Variants in UNC80 observed in about 807,000 individuals in gnomAD.
The protein encoded by UNC80 is unc-80 subunit of NALCN channel complex.
In UNC80, 164 loss-of-function variants were observed where a neutral mutation model predicts 384.6. That is an observed-to-expected ratio of 0.43 (90% CI 0.38 to 0.49). The LOEUF (loss-of-function observed/expected upper bound fraction) is 0.49, where lower values mean the gene tolerates loss of function less well. Among genes scored for constraint, UNC80 ranks in the 20% least tolerant of loss-of-function variants. The pLI, the probability that UNC80 is intolerant of heterozygous loss-of-function variation, is 0.00. For missense variants in UNC80, 3,330 were observed against 4,143.0 expected (o/e 0.80, Z 5.39); for synonymous variants, 1,486 against 1,527.8 (o/e 0.97, Z 0.64).
chr2:209,949,775 GC>G (rs979912991), intron 47 of UNC80, among the ~76,000 whole-genome samples: 2 of 103,208 alleles, frequency 1.9e-5, no homozygotes, highest in South Asian at 3.2e-4. Flanking sequence ...ACTGCGCCCA[GC>G]CCCCCACCCC....
At chr2:209,855,515 A>G (rs1436733866) in intron 22 of UNC80, among the ~76,000 whole-genome samples, 1 of 152,168 alleles carries the variant, frequency 6.6e-6, no homozygotes, top group Non-Finnish European at 1.5e-5. Context: ...AAGTACATAG[A>G]ATTTAAAGAA....
At chr2:209,971,610 G>A (rs1274724145) in intron 54 of UNC80, among the ~76,000 whole-genome samples, 3 of 152,118 alleles carry the variant, frequency 2.0e-5, no homozygotes, top group Admixed American at 6.6e-5. Flanking sequence ...CCCATCCGTC[G>A]TTTGACAACC....
At chr2:209,933,099 A>G (rs926371063) in intron 38 of UNC80, among the ~76,000 whole-genome samples, 1 of 152,228 alleles carries the variant, frequency 6.6e-6, no homozygotes. Flanking sequence ...GAATAGGATA[A>G]TTGAAAGTTA....
intron 47 of UNC80, 50 bp from the exon 48 acceptor site, chr2:209,954,050 A>T: frequency 6.6e-7 from 1 of 1,513,742 alleles, no homozygotes; most frequent in Non-Finnish European, 8.8e-7. Context: ...GACACAACCA[A>T]CAAAAGTAGA....
At chr2:209,855,925 G>C (rs920041328) in intron 22 of UNC80, among the ~76,000 whole-genome samples, 8 of 151,602 alleles carry the variant, frequency 5.3e-5, no homozygotes, top group Non-Finnish European at 1.0e-4. Flanking sequence ...CAAAATTCTG[G>C]CTAATTTTAG....
At chr2:209,803,482 A>G (rs1296429637) in intron 7 of UNC80, among the ~76,000 whole-genome samples, 1 of 152,186 alleles carries the variant, frequency 6.6e-6, no homozygotes, top group African/African-American at 2.4e-5. Context: ...ACCTTTTTGG[A>G]TATCTATGTG....
In UNC80 at chr2:209,900,957, G is replaced by A. The variant is rs1011006114; in HGVS notation, c.4582-3808G>A. Among the ~76,000 whole-genome samples the A allele has an allele frequency of 1.4e-4, 22 of 152,308 alleles. 1 individual carries two copies. The highest frequency in any genetic ancestry group is 5.3e-4 in the African/African-American group (22 of 41,560). Reference sequence around the variant, plus strand: ...TGTGAGGGCTGAGAAAGGGGAAGAAGCTGTATAAGAAAAGTCTGAAGTTAG... The same window carrying A: ...TGTGAGGGCTGAGAAAGGGGAAGAAACTGTATAAGAAAAGTCTGAAGTTAG... On this transcript the variant is annotated intron_variant, in intron 28 of 64. Transcript: ENST00000673920.
chr2:209,772,246 C>T (rs1204366483), intron 1 of UNC80, 82 bp downstream of exon 1: 4 of 722,584 alleles, frequency 5.5e-6, no homozygotes, highest in Admixed American at 9.7e-5. Context: ...CTGCCGCCGC[C>T]GCCGCTGAGG....
At chr2:209,773,313 A>C (rs1039780851) in intron 2 of UNC80, among the ~76,000 whole-genome samples, 171 bp downstream of exon 2, 1 of 152,286 alleles carries the variant, frequency 6.6e-6, no homozygotes, top group Non-Finnish European at 1.5e-5. Context: ...AACAATGATA[A>C]AAACAAATAC....
At chr2:209,805,538 G>A (rs1277586574) in intron 7 of UNC80, among the ~76,000 whole-genome samples, 2 of 152,196 alleles carry the variant, frequency 1.3e-5, no homozygotes, top group South Asian at 2.1e-4. Context: ...GGCTTGACTG[G>A]TCTGAAGGCT....
At chr2:209,945,280 A>ACG in intron 46 of UNC80, 91 bp downstream of exon 46, 1 of 1,277,286 alleles carries the variant, frequency 7.8e-7, no homozygotes, top group African/African-American at 1.5e-5. Flanking sequence ...GTATATTTAT[A>ACG]TGTGTGTGTA....
intron 30 of UNC80, among the ~76,000 whole-genome samples, chr2:209,913,033 G>A (rs1275663377): frequency 6.6e-6 from 1 of 152,192 alleles, no homozygotes; most frequent in East Asian, 1.9e-4. Flanking sequence ...CCTTGGGCAA[G>A]TTATTTAATT....
At chr2:209,978,848 G>A (rs868533608) in intron 59 of UNC80, 140 bp downstream of exon 59, 10 of 796,048 alleles carry the variant, frequency 1.3e-5, no homozygotes, top group African/African-American at 3.5e-5. Context: ...GGGGAAATGT[G>A]ACTGATTCCA....
chr2:209,858,855 T>A (rs2083140501), intron 22 of UNC80, among the ~76,000 whole-genome samples: 1 of 152,138 alleles, frequency 6.6e-6, no homozygotes, highest in Non-Finnish European at 1.5e-5. Context: ...TTACACTTTT[T>A]ATTTTTTCAT....
intron 51 of UNC80, among the ~76,000 whole-genome samples, chr2:209,964,821 G>A (rs1201327613): frequency 6.6e-6 from 1 of 150,928 alleles, no homozygotes; most frequent in Non-Finnish European, 1.5e-5. Flanking sequence ...CAGAAGGGGG[G>A]AAATCGACAT....
chr2:209,975,539 G>A lies in UNC80; in HGVS notation c.8588-580G>A, dbSNP rs546006179. On this transcript the variant is annotated intron_variant, in intron 56 of 64. Coordinates refer to ENST00000673920, the MANE Select transcript of UNC80 (RefSeq NM_001371986.1). ...TTATTTTTGGAAAGATACCCTGCACGCATTTACTGGTTACCTCTGGGGAGC... is the reference window on the plus strand; with the variant it reads ...TTATTTTTGGAAAGATACCCTGCACACATTTACTGGTTACCTCTGGGGAGC... Among the ~76,000 whole-genome samples, 17 of 152,288 alleles carry A rather than the reference G, an allele frequency of 1.1e-4. No individual in the cohort carries two copies. The East Asian group carries it at 1.9e-3, about 17-fold the overall frequency.
At chr2:209,838,574 T>A (rs190054383) in intron 18 of UNC80, among the ~76,000 whole-genome samples, 10 of 152,214 alleles carry the variant, frequency 6.6e-5, no homozygotes, top group Admixed American at 2.6e-4. Context: ...AATATTTTTT[T>A]AAGAGTATTT....
In UNC80 at chr2:209,904,901, T is replaced by TG; in HGVS notation, c.4720dup (p.Asp1574GlyfsTer25). On this transcript the variant is annotated frameshift_variant, in exon 29 of 65. Transcript: ENST00000673920. LOFTEE classifies it high-confidence loss of function. ...ATCAAGCTACTCTATGGAGACAGTG[T>TG]GGACTCCCTGAGGGAAAGCAGCAAC... 6.4e-7 allele frequency: 1 copy of TG among 1,551,762 alleles called. No homozygotes were observed. The highest frequency in any genetic ancestry group is 8.7e-7 in the Non-Finnish European group (1 of 1,146,996).
rs1030973344 is a variant in UNC80 at position 209,894,065 on chromosome 2, A to T, written c.4277-98A>T. The T allele has an allele frequency of 6.2e-6, 5 of 812,104 alleles. No individual in the cohort carries two copies. In the South Asian group the frequency reaches 2.8e-4, roughly 45 times the overall value. The allele number at this position is 812,104 out of a possible 1,614,324, so 50.3% of individuals were successfully genotyped here. On this transcript the variant is annotated intron_variant, in intron 26 of 64. Coordinates refer to ENST00000673920, the MANE Select transcript of UNC80 (RefSeq NM_001371986.1). ...GTCCAGAGTGCTCATCCAGGCCAGCAGAGGAGGCTGATCAGGGACAAGTTG... is the reference window on the plus strand; with the variant it reads ...GTCCAGAGTGCTCATCCAGGCCAGCTGAGGAGGCTGATCAGGGACAAGTTG...
Sources: allele counts gnomAD v4.1 joint callset (sites outside exome capture counted in the v4.1 genomes callset), GRCh38; gene constraint gnomAD v4.1.1; transcripts MANE v1.5; gene names NCBI Gene and HGNC (gene_info 2026-07-23, HGNC 2026-07-21).